The following GPC5 variants were observed in gnomAD, a reference collection of about 807,000 sequenced individuals.
GPC5 encodes glypican 5.
In GPC5, 47 loss-of-function variants were observed where a neutral mutation model predicts 53.9. That is an observed-to-expected ratio of 0.87 (90% confidence interval 0.69 to 1.11). GPC5 has a LOEUF of 1.11. Among genes scored for constraint, GPC5 ranks in the 50% most tolerant of loss-of-function variants. GPC5 has a pLI of 0.00. For synonymous variants in GPC5, 286 were observed against 263.3 expected (o/e 1.09, Z -0.84); for missense variants, 748 against 713.1 (o/e 1.05, Z -0.56).
At chr13:92,311,724 C>T (rs2043146259) in intron 7 of GPC5, among the ~76,000 whole-genome samples, 1 of 152,262 alleles carries the variant, frequency 6.6e-6, no homozygotes, top group Admixed American at 6.5e-5. Context: ...GAAAAACCCA[C>T]CCCTATGATT....
chr13:92,380,363 G>C (rs1232305198), intron 7 of GPC5, among the ~76,000 whole-genome samples: 1 of 152,106 alleles, frequency 6.6e-6, no homozygotes, highest in Non-Finnish European at 1.5e-5. Context: ...TCATAGCTCT[G>C]CTCATGTAGA....
At chr13:92,562,076 A>T (rs181237477) in intron 7 of GPC5, among the ~76,000 whole-genome samples, 1 of 152,192 alleles carries the variant, frequency 6.6e-6, no homozygotes, top group East Asian at 1.9e-4. Context: ...CTCCAATAGG[A>T]ATTCAGAAAT....
chr13:92,483,623 T>C (rs1053992702), intron 7 of GPC5, among the ~76,000 whole-genome samples: 2 of 151,852 alleles, frequency 1.3e-5, no homozygotes, highest in Non-Finnish European at 2.9e-5. Context: ...TTATTAAAAA[T>C]ATTTCTTTTT....
intron 6 of GPC5, among the ~76,000 whole-genome samples, chr13:92,047,323 A>G (rs1441108985): frequency 6.6e-6 from 1 of 152,074 alleles, no homozygotes; most frequent in African/African-American, 2.4e-5. Flanking sequence ...AACATAGACC[A>G]ACACCAAGGA....
At position 92,582,084 on chromosome 13, in the gene GPC5, G is replaced by C. The variant is rs117787831; in HGVS notation, c.1562-284198G>C. On this transcript the variant is annotated intron_variant, in intron 7 of 7. Transcript: ENST00000377067. ...AATCCTCTTTGTCTATTTTTGCTTT[G>C]TACTTTTGAGGCCAAATCTAAAAAA... Among the ~76,000 whole-genome samples the C allele has an allele frequency of 1.4e-3, 219 of 151,868 alleles. 3 individuals are homozygous for C. In the East Asian group the frequency reaches 0.036, roughly 25 times the overall value.
chr13:92,672,554 A>G (rs1223660527), intron 7 of GPC5, among the ~76,000 whole-genome samples: 1 of 152,208 alleles, frequency 6.6e-6, no homozygotes, highest in African/African-American at 2.4e-5. Flanking sequence ...AGGAATATAA[A>G]TCATTATATT....
rs572639029 is a variant in GPC5 at position 92,063,610 on chromosome 13, G to A, written c.1402-81220G>A. Among the ~76,000 whole-genome samples the A allele has an allele frequency of 2.0e-5, 3 of 152,128 alleles. 1 individual carries two copies. The South Asian group carries it at 6.2e-4, about 32-fold the overall frequency. ...GGTTTTGAAAATTAACACTGCAGCA[G>A]ATTTAAAATAAATAAATAAATAAGA... On this transcript the variant is annotated intron_variant, in intron 6 of 7. Coordinates refer to ENST00000377067, the MANE Select transcript of GPC5 (RefSeq NM_004466.6).
At chr13:92,406,048 C>T (rs961481645) in intron 7 of GPC5, among the ~76,000 whole-genome samples, 6 of 152,042 alleles carry the variant, frequency 3.9e-5, no homozygotes, top group Admixed American at 1.3e-4. Context: ...GAAATATTTG[C>T]GTATCTAAGG....
At chr13:92,720,804 G>C (rs1888487812) in intron 7 of GPC5, among the ~76,000 whole-genome samples, 1 of 152,062 alleles carries the variant, frequency 6.6e-6, no homozygotes, top group South Asian at 2.1e-4. Context: ...TGTGCAAAGG[G>C]TGTGTATTTT....
At chr13:92,685,560 A>ATTTTTTTTTTTTTTTTT (rs747173185) in intron 7 of GPC5, among the ~76,000 whole-genome samples, 1 of 120,886 alleles carries the variant, frequency 8.3e-6, no homozygotes, top group African/African-American at 3.6e-5. Flanking sequence ...TTTTTTTTTA[A>ATTTTTTTTTTTTTTTTT]TTTTTTTTTT....
chr13:91,948,376 ATATT>A (rs1285467526), intron 6 of GPC5, among the ~76,000 whole-genome samples: 1 of 152,072 alleles, frequency 6.6e-6, no homozygotes, highest in Non-Finnish European at 1.5e-5. Context: ...ACGAGCATAG[ATATT>A]CATTCATTCA....
chr13:91,800,877 T>C (rs1286206678), intron 5 of GPC5, among the ~76,000 whole-genome samples: 2 of 151,382 alleles, frequency 1.3e-5, no homozygotes, highest in Non-Finnish European at 2.9e-5. Context: ...TCTGTCTCCA[T>C]AGTGTCTTTA....
rs1398981114 is a variant in GPC5 at position 92,824,265 on chromosome 13, C to T, written c.1562-42017C>T. Among the ~76,000 whole-genome samples the T allele has an allele frequency of 2.0e-5, 3 of 152,130 alleles. No homozygotes were observed. In the East Asian group the frequency reaches 5.8e-4, roughly 29 times the overall value. On this transcript the variant is annotated intron_variant, in intron 7 of 7. Coordinates refer to ENST00000377067, the MANE Select transcript of GPC5 (RefSeq NM_004466.6). The stretch of plus-strand genomic sequence containing the variant: ...TGTATACAAAACCGCCTCTTCTTCT[C>T]TCTAGAAGCCGACATTCTCACTGCT...
At position 91,496,881 on chromosome 13, in the gene GPC5, G is replaced by A. The variant is rs146941808; in HGVS notation, c.325+47959G>A. Among the ~76,000 whole-genome samples, 8 of 152,204 alleles carry A rather than the reference G, an allele frequency of 5.3e-5. No individual in the cohort carries two copies. The East Asian group carries it at 1.5e-3, about 29-fold the overall frequency. ...GCATGCCTGTATTAAAGTATCTCAT[G>A]TACCCCATAAATATATGCACCTAAT... On this transcript the variant is annotated intron_variant, in intron 2 of 7. Transcript: ENST00000377067.
At chr13:92,368,934 A>C (rs985890316) in intron 7 of GPC5, among the ~76,000 whole-genome samples, 2 of 152,264 alleles carry the variant, frequency 1.3e-5, no homozygotes, top group African/African-American at 4.8e-5. Flanking sequence ...TATGAGAAGA[A>C]AAACTGTGAA....
chr13:92,296,762 GC>G (rs557993237), intron 7 of GPC5, among the ~76,000 whole-genome samples: 1,544 of 152,316 alleles, frequency 0.01, 26 homozygotes, highest in Middle Eastern at 0.044. Flanking sequence ...ACTTGGAGCA[GC>G]CAGCCAGCCC....
At chr13:91,734,081 A>G (rs1274697904) in intron 4 of GPC5, among the ~76,000 whole-genome samples, 1 of 151,612 alleles carries the variant, frequency 6.6e-6, no homozygotes, top group Non-Finnish European at 1.5e-5. Flanking sequence ...ATCTGTTGAG[A>G]TGATCATGTG....
intron 2 of GPC5, among the ~76,000 whole-genome samples, chr13:91,596,781 T>C (rs1403496830): frequency 6.6e-6 from 1 of 152,188 alleles, no homozygotes; most frequent in African/African-American, 2.4e-5. Context: ...TTCCCAGTGT[T>C]GCTGGTAGGG....
At chr13:91,808,104 GA>G (rs371842258) in intron 5 of GPC5, among the ~76,000 whole-genome samples, 9 of 151,736 alleles carry the variant, frequency 5.9e-5, no homozygotes, top group South Asian at 2.1e-4. Flanking sequence ...ATCTTTCTAG[GA>G]AAAAAAATGA....
Sources: gnomAD v4.1 joint callset for allele counts (sites outside exome capture counted in the v4.1 genomes callset) on GRCh38, gnomAD v4.1.1 for gene constraint, MANE v1.5 for transcripts, NCBI Gene and HGNC (gene_info 2026-07-23, HGNC 2026-07-21) for gene names.